The following NFXL1 variants were observed in gnomAD, a reference collection of about 807,000 sequenced individuals.
NFXL1 encodes nuclear transcription factor, X-box binding like 1.
NFXL1 carries 66 observed loss-of-function variants against 123.3 expected under a neutral mutation model. The observed-to-expected ratio is 0.54, with a 90% CI of 0.44 to 0.66. The LOEUF (loss-of-function observed/expected upper bound fraction) is 0.66, where lower values mean the gene tolerates loss of function less well. Among genes scored for constraint, NFXL1 ranks in the 30% least tolerant of loss-of-function variants. The pLI is 0.00. For synonymous variants in NFXL1, 346 were observed against 360.8 expected, an observed-to-expected ratio of 0.96 and a Z score of 0.46; for missense variants, 944 against 1,125.6, an observed-to-expected ratio of 0.84 and a Z score of 2.31.
intron 18 of NFXL1, among the ~76,000 whole-genome samples, chr4:47,871,357 A>AC (rs1361077048): frequency 1.3e-5 from 2 of 151,672 alleles, no homozygotes; most frequent in Admixed American, 6.6e-5. Context: ...TCTCAAAAAA[A>AC]AAAAAAACAA....
intron 18 of NFXL1, among the ~76,000 whole-genome samples, chr4:47,863,402 C>A (rs567520585): frequency 6.6e-6 from 1 of 152,210 alleles, no homozygotes; most frequent in African/African-American, 2.4e-5. Flanking sequence ...TCACTTTAGG[C>A]CAGGTACAGT....
chr4:47,871,992 T>C (rs1009924978), intron 18 of NFXL1, among the ~76,000 whole-genome samples: 1 of 152,184 alleles, frequency 6.6e-6, no homozygotes, highest in African/African-American at 2.4e-5. Flanking sequence ...TAAATTATGT[T>C]ATATCATTAT....
chr4:47,862,045 T>C (rs1734799404), intron 19 of NFXL1, among the ~76,000 whole-genome samples: 2 of 152,214 alleles, frequency 1.3e-5, no homozygotes, highest in Non-Finnish European at 2.9e-5. Flanking sequence ...TTTAAATGTC[T>C]ACCCAAATCA....
rs116963639 is a variant in NFXL1, at chr4:47,882,819, G to A, written c.1916+1527C>T. On this transcript the variant is annotated intron_variant, in intron 15 of 22. Coordinates refer to ENST00000507489, the MANE Select transcript of NFXL1 (RefSeq NM_001278624.2). ...TAAGTAACTCTAATAGCATTTTTGA[G>A]GACTCCTTAAGACTTTTCACACACA... is the stretch of plus-strand genomic sequence containing the variant. Among the ~76,000 whole-genome samples, 36 of 152,062 alleles carry A rather than the reference G, an allele frequency of 2.4e-4. No individual in the cohort carries two copies. The East Asian group carries it at 6.6e-3, about 28-fold the overall frequency.
At chr4:47,880,940 C>T (rs1261483975) in intron 15 of NFXL1, among the ~76,000 whole-genome samples, 1 of 150,656 alleles carries the variant, frequency 6.6e-6, no homozygotes, top group Non-Finnish European at 1.5e-5. Flanking sequence ...AGAATAGTTA[C>T]AGGATGGAAA....
intron 19 of NFXL1, among the ~76,000 whole-genome samples, chr4:47,862,218 G>A (rs1237329478): frequency 2.0e-5 from 3 of 152,074 alleles, no homozygotes; most frequent in African/African-American, 7.2e-5. Context: ...ACTACTTTTT[G>A]ACAGTTTTAG....
At position 47,898,750 on chromosome 4, in the gene NFXL1, A is replaced by C. The variant is rs913593804; in HGVS notation, c.1089+7T>G. The stretch of plus-strand genomic sequence containing the variant: ...ATACCCACCCCTCAAAATGCATATA[A>C]ACTTACTTGATCACAGTGCCATAGT... On this transcript the variant is annotated splice_region_variant and intron_variant, in intron 8 of 22. Transcript: ENST00000507489. 4 of 1,570,486 alleles carry C rather than the reference A, an allele frequency of 2.5e-6. No homozygotes were observed. Among genetic ancestry groups the C allele is most frequent in the Non-Finnish European group, 3.5e-6 (4 of 1,140,516 alleles).
rs1225122329 is a variant in NFXL1, at chr4:47,900,688, A to G, written c.648-1140T>C. ...CAGTTCATTCTCAAAAGATGCTCTAACCTTAACTCCCAAATGAGTATAGTT... is the reference window on the plus strand; with the variant it reads ...CAGTTCATTCTCAAAAGATGCTCTAGCCTTAACTCCCAAATGAGTATAGTT... On this transcript the variant is annotated intron_variant, in intron 5 of 22. Coordinates refer to ENST00000507489, the MANE Select transcript of NFXL1 (RefSeq NM_001278624.2). Among the ~76,000 whole-genome samples, 5 of 152,376 alleles carry G rather than the reference A, an allele frequency of 3.3e-5. No individual in the cohort carries two copies. In the East Asian group the frequency reaches 9.6e-4, roughly 29 times the overall value.
chr4:47,890,204 A>C (rs531530532), intron 12 of NFXL1, among the ~76,000 whole-genome samples: 1 of 152,260 alleles, frequency 6.6e-6, no homozygotes, highest in East Asian at 1.9e-4. Context: ...GACATATCTA[A>C]TCCTTTACTA....
chr4:47,848,070 A>G lies in NFXL1; in HGVS notation c.*93T>C, dbSNP rs747265756. The G allele has an allele frequency of 6.7e-6, 5 of 743,470 alleles. No individual in the cohort carries two copies. The highest frequency in any genetic ancestry group is 1.8e-5 in the African/African-American group (1 of 56,326). The allele number at this position is 743,470 out of a possible 1,614,324, so 46.1% of individuals were successfully genotyped here. On this transcript the variant is annotated 3_prime_UTR_variant, in exon 23 of 23. Coordinates refer to ENST00000507489, the MANE Select transcript of NFXL1 (RefSeq NM_001278624.2). Reference sequence around the variant, plus strand: ...AGAATACAGAGATGAATGTAAATATATATCATGTTCTATAATATACATTTT... The same window carrying G: ...AGAATACAGAGATGAATGTAAATATGTATCATGTTCTATAATATACATTTT...
intron 18 of NFXL1, among the ~76,000 whole-genome samples, chr4:47,870,955 C>G (rs1373432058): frequency 1.3e-5 from 2 of 152,110 alleles, no homozygotes; most frequent in Admixed American, 1.3e-4. Flanking sequence ...TGGCGAAGGA[C>G]CAAATAAAGA....
In NFXL1 at chr4:47,861,684, A is replaced by AT. The variant is rs1338938339; in HGVS notation, c.2316+1161dup. On this transcript the variant is annotated intron_variant, in intron 19 of 22. Transcript: ENST00000507489. ...TAATTCAAAAAATTAAATTTGAAAT[A>AT]TCCCATGCCCTAGTTTCACTTATAA... Among the ~76,000 whole-genome samples, 9 of 152,354 alleles carry AT rather than the reference A, an allele frequency of 5.9e-5. No individual in the cohort carries two copies. In the South Asian group the frequency reaches 1.9e-3, roughly 32 times the overall value.
chr4:47,851,649 T>C (rs1485375320), intron 21 of NFXL1, among the ~76,000 whole-genome samples: 1 of 152,016 alleles, frequency 6.6e-6, no homozygotes, highest in African/African-American at 2.4e-5. Context: ...TCTCAAAATC[T>C]TATAACGGGC....
intron 18 of NFXL1, among the ~76,000 whole-genome samples, chr4:47,872,477 A>G (rs1290561139): frequency 5.8e-5 from 8 of 136,908 alleles, no homozygotes; most frequent in Non-Finnish European, 9.4e-5. Flanking sequence ...AAAAAAAAAA[A>G]GAAAAAAAAA....
At chr4:47,902,137 G>T (rs539122555) in intron 5 of NFXL1, among the ~76,000 whole-genome samples, 2 of 151,722 alleles carry the variant, frequency 1.3e-5, no homozygotes, top group Non-Finnish European at 2.9e-5. Flanking sequence ...AGCCAAGAGC[G>T]CACCACTGCA....
At chr4:47,894,841 A>G (rs182250450) in intron 10 of NFXL1, among the ~76,000 whole-genome samples, 164 of 152,340 alleles carry the variant, frequency 1.1e-3, no homozygotes, top group Non-Finnish European at 2.0e-3. Flanking sequence ...GGCATCTAAA[A>G]TGAGGAATCC....
intron 3 of NFXL1, among the ~76,000 whole-genome samples, chr4:47,907,960 C>T (rs1458798299): frequency 6.6e-6 from 1 of 152,142 alleles, no homozygotes; most frequent in Admixed American, 6.5e-5. Context: ...GACTTCTCAG[C>T]CAAACTTCCT....
chr4:47,867,029 G>A lies in NFXL1; in HGVS notation c.2247-4114C>T, dbSNP rs116140830. Among the ~76,000 whole-genome samples the A allele has an allele frequency of 9.0e-3, 1,378 of 152,316 alleles. 8 individuals are homozygous for A. Among genetic ancestry groups the A allele is most frequent in the Non-Finnish European group, 0.013 (879 of 68,028 alleles). ...TGGTTTGCCCTACACTTCACCTCAT[G>A]TGCCTTTTCCCTTTGCTGACTGTGC... On this transcript the variant is annotated intron_variant, in intron 18 of 22. Transcript: ENST00000507489.
intron 3 of NFXL1, among the ~76,000 whole-genome samples, chr4:47,910,281 T>A (rs1279646331): frequency 6.6e-6 from 1 of 152,148 alleles, no homozygotes; most frequent in Non-Finnish European, 1.5e-5. Flanking sequence ...AGTTGAAGAC[T>A]GCAGTGAACT....
Sources: allele counts gnomAD v4.1 joint callset (sites outside exome capture counted in the v4.1 genomes callset), GRCh38; gene constraint gnomAD v4.1.1; transcripts MANE v1.5; gene names NCBI Gene and HGNC (gene_info 2026-07-23, HGNC 2026-07-21).